JMY: variants seen among roughly 807,000 people sequenced by gnomAD.
JMY encodes the protein junction-mediating and -regulatory protein.
Under a neutral mutation model 103.3 loss-of-function variants are expected in JMY, and 46 were observed. The ratio of observed to expected loss-of-function variants is 0.45; its 90% CI spans 0.35 to 0.57. The LOEUF is 0.57. Among genes scored for constraint, JMY ranks in the 20% least tolerant of loss-of-function variants. The pLI is 0.00. For synonymous variants in JMY, 526 were observed against 489.3 expected, an observed-to-expected ratio of 1.07 and a Z score of -0.99; for missense variants, 1,238 against 1,255.2, an observed-to-expected ratio of 0.99 and a Z score of 0.21.
In JMY at chr5:79,284,061, ATTTT is replaced by A. The variant is rs1469422005; in HGVS notation, c.1206+5982_1206+5985del. ...AGGTACAAATTACTTTCTTTTTTTT[ATTTT>A]TTTATTTTATTTTTATTTTTTTTCA... On this transcript the variant is annotated intron_variant, in intron 2 of 10. Coordinates refer to ENST00000396137, the MANE Select transcript of JMY (RefSeq NM_152405.5). The A allele has an allele frequency of 2.8e-5, 27 of 958,656 alleles. 1 individual carries two copies. In the East Asian group the frequency reaches 3.7e-4, roughly 13 times the overall value. The allele number at this position is 958,656 out of a possible 1,614,324, so 59.4% of individuals were successfully genotyped here. A position where few individuals can be genotyped will look rare whatever the true frequency, so the allele number is the denominator to read the frequency against.
intron 1 of JMY, among the ~76,000 whole-genome samples, chr5:79,272,275 G>A (rs1487420152): frequency 6.6e-6 from 1 of 151,910 alleles, no homozygotes; most frequent in African/African-American, 2.4e-5. Flanking sequence ...TCTCTTCTAG[G>A]CAACATATAA....
intron 1 of JMY, among the ~76,000 whole-genome samples, chr5:79,269,736 ATTTT>A (rs905517032): frequency 1.3e-5 from 2 of 149,150 alleles, no homozygotes; most frequent in Admixed American, 6.7e-5. Context: ...TTTTTTATTT[ATTTT>A]TTTTTTTAGA....
intron 10 of JMY, among the ~76,000 whole-genome samples, chr5:79,319,392 G>A (rs1283564886): frequency 6.6e-6 from 1 of 152,150 alleles, no homozygotes; most frequent in Non-Finnish European, 1.5e-5. Flanking sequence ...TACTAAATGT[G>A]TGCTAACCCA....
intron 1 of JMY, among the ~76,000 whole-genome samples, chr5:79,250,290 C>G (rs1160946636): frequency 6.6e-6 from 1 of 152,210 alleles, no homozygotes; most frequent in African/African-American, 2.4e-5. Flanking sequence ...ACTCCTAGTA[C>G]GTGCTTTCCC....
At position 79,322,737 on chromosome 5, in the gene JMY, C is replaced by G. The variant is rs991040469; in HGVS notation, c.*1135C>G. ...GTCCTGAAGGACACATTTATATGTT[C>G]CAGATTTTCAGCAGGATTGTTGTGG... On this transcript the variant is annotated 3_prime_UTR_variant, in exon 11 of 11. Coordinates refer to ENST00000396137, the MANE Select transcript of JMY (RefSeq NM_152405.5). 6.6e-6 allele frequency: 1 copy of G among 152,148 alleles called. No homozygotes were observed. Among genetic ancestry groups the G allele is most frequent in the African/African-American group, 2.4e-5 (1 of 41,422 alleles). The allele number at this position is 152,148 out of a possible 1,614,324, so 9.4% of individuals were successfully genotyped here.
chr5:79,238,491 G>C (rs1236224275), intron 1 of JMY, among the ~76,000 whole-genome samples: 1 of 152,088 alleles, frequency 6.6e-6, no homozygotes, highest in African/African-American at 2.4e-5. Flanking sequence ...CTGCTCACTA[G>C]CTTCTGCTGA....
chr5:79,274,628 A>G (rs1399628133), intron 1 of JMY, among the ~76,000 whole-genome samples: 1 of 151,708 alleles, frequency 6.6e-6, no homozygotes, highest in Non-Finnish European at 1.5e-5. Context: ...CTGGTCTCGA[A>G]CTCCTGACCT....
intron 4 of JMY, among the ~76,000 whole-genome samples, chr5:79,295,115 T>TA (rs1165428771): frequency 2.6e-5 from 4 of 152,190 alleles, no homozygotes; most frequent in African/African-American, 9.7e-5. Flanking sequence ...GCATTGATTA[T>TA]ATACCATGGT....
At chr5:79,290,996 A>G (rs1746404050) in intron 3 of JMY, 134 bp from the exon 4 acceptor site, 1 of 605,710 alleles carries the variant, frequency 1.7e-6, no homozygotes, top group African/African-American at 1.9e-5. Flanking sequence ...TAAAAGAAAA[A>G]AAGAAAAAAG....
At position 79,284,486 on chromosome 5, in the gene JMY, C is replaced by G; in HGVS notation, c.1207-5635C>G. ...AGAGGTCTTCTGTATCTGATTGTTGCGTTTTTTAGTAAAACCAACACAGAA... is the reference window on the plus strand; with the variant it reads ...AGAGGTCTTCTGTATCTGATTGTTGGGTTTTTTAGTAAAACCAACACAGAA... On this transcript the variant is annotated intron_variant, in intron 2 of 10. Transcript: ENST00000396137. The G allele has an allele frequency of 1.1e-5, 18 of 1,586,842 alleles. No individual in the cohort carries two copies. In the South Asian group the frequency reaches 1.7e-4, roughly 15 times the overall value.
intron 2 of JMY, among the ~76,000 whole-genome samples, chr5:79,281,878 T>C (rs1042038033): frequency 4.6e-5 from 7 of 152,176 alleles, no homozygotes; most frequent in African/African-American, 1.4e-4. Context: ...AAAAGACATC[T>C]AACACAAAGA....
At chr5:79,254,879 A>G (rs1056340883) in intron 1 of JMY, among the ~76,000 whole-genome samples, 1 of 151,496 alleles carries the variant, frequency 6.6e-6, no homozygotes, top group Non-Finnish European at 1.5e-5. Context: ...TCTGTCTTCA[A>G]GCTCACTATT....
intron 10 of JMY, among the ~76,000 whole-genome samples, chr5:79,316,898 TAAA>T (rs34558016): frequency 3.6e-5 from 3 of 83,642 alleles, no homozygotes; most frequent in Non-Finnish European, 6.7e-5. Context: ...GACTCAGTCT[TAAA>T]AAAAAAAAAA....
rs770199423 is a variant in JMY, at chr5:79,312,516, C to A, written c.2064+18C>A. On this transcript the variant is annotated intron_variant, in intron 8 of 10. Transcript: ENST00000396137. ...TTAAACAGGTATTAAAAGTAATGGT[C>A]CATTTATTGTTTTTCTTTTTTTTTT... 3.0e-6 allele frequency: 4 copies of A among 1,313,688 alleles called. No homozygotes were observed. Among genetic ancestry groups the A allele is most frequent in the Non-Finnish European group, 4.1e-6 (4 of 965,334 alleles). 81.4% of individuals were successfully genotyped at this position (1,313,688 alleles called of 1,614,324 possible).
intron 1 of JMY, among the ~76,000 whole-genome samples, chr5:79,241,297 C>T (rs190813091): frequency 2.0e-5 from 3 of 152,218 alleles, no homozygotes; most frequent in Admixed American, 6.5e-5. Flanking sequence ...CTTGTGAGCA[C>T]TCTTAATTAG....
chr5:79,238,746 C>T (rs1744639223), intron 1 of JMY, among the ~76,000 whole-genome samples: 2 of 150,628 alleles, frequency 1.3e-5, no homozygotes, highest in Admixed American at 1.3e-4. Context: ...CTCCCGGGTT[C>T]AAGCGATTCT....
intron 7 of JMY, among the ~76,000 whole-genome samples, chr5:79,311,225 A>G (rs912044720): frequency 3.3e-5 from 5 of 150,326 alleles, no homozygotes; most frequent in African/African-American, 4.9e-5. Context: ...GCCTCAAGCA[A>G]TCCTCCTGCC....
intron 1 of JMY, among the ~76,000 whole-genome samples, chr5:79,246,105 T>A (rs1744892549): frequency 6.6e-6 from 1 of 152,220 alleles, no homozygotes; most frequent in Admixed American, 6.5e-5. Flanking sequence ...AAATCATTCA[T>A]TACTTATACT....
chr5:79,295,089 G>A (rs1156781018), intron 4 of JMY, among the ~76,000 whole-genome samples: 4 of 151,954 alleles, frequency 2.6e-5, no homozygotes, highest in Non-Finnish European at 4.4e-5. Context: ...GTTTTAATTC[G>A]TCAAGTATTT....
Sources: allele counts gnomAD v4.1 joint callset (sites outside exome capture counted in the v4.1 genomes callset), GRCh38; gene constraint gnomAD v4.1.1; transcripts MANE v1.5; gene names NCBI Gene and HGNC (gene_info 2026-07-23, HGNC 2026-07-21).